The following ATP8A1 variants were observed in gnomAD, a reference collection of about 807,000 sequenced individuals.
The protein encoded by ATP8A1 is phospholipid-transporting ATPase IA.
A neutral mutation model predicts 177.7 loss-of-function variants in ATP8A1; 90 were observed. That is an observed-to-expected ratio of 0.51 (90% confidence interval 0.43 to 0.60). The LOEUF is 0.60. Among genes scored for constraint, ATP8A1 ranks in the 20% least tolerant of loss-of-function variants. The pLI is 0.00. For synonymous variants in ATP8A1, 493 were observed against 485.9 expected, an observed-to-expected ratio of 1.01 and a Z score of -0.19; for missense variants, 1,072 against 1,392.8, an observed-to-expected ratio of 0.77 and a Z score of 3.67.
At chr4:42,617,948 T>C (rs1201782766) in intron 4 of ATP8A1, among the ~76,000 whole-genome samples, 3 of 152,214 alleles carry the variant, frequency 2.0e-5, no homozygotes, top group East Asian at 1.9e-4. Context: ...GATAAGATTA[T>C]TCCTTCTAAA....
chr4:42,649,734 G>C lies in ATP8A1; in HGVS notation c.49+7091C>G, dbSNP rs193214979. On this transcript the variant is annotated intron_variant, in intron 1 of 36. Transcript: ENST00000381668. ...ACAAATCTCACAAAAACGCTCCTTT[G>C]GGGTGCTAAGGTTTCAGTAGGAGGG... Among the ~76,000 whole-genome samples the C allele has an allele frequency of 2.6e-5, 4 of 152,244 alleles. No homozygotes were observed. The East Asian group carries it at 7.7e-4, about 29-fold the overall frequency.
rs376616442 is a variant in ATP8A1, at chr4:42,591,034, T to C, written c.451-150A>G. The C allele has an allele frequency of 4.7e-5, 32 of 677,628 alleles. 1 individual carries two copies. Among genetic ancestry groups the C allele is most frequent in the African/African-American group, 2.5e-4 (14 of 55,166 alleles). 42.0% of individuals were successfully genotyped at this position (677,628 alleles called of 1,614,324 possible). A position where few individuals can be genotyped will look rare whatever the true frequency, so the allele number is the denominator to read the frequency against. ...TAAAAACATCTAATGCCAATTTTTT[T>C]CAAAACTTATTTTGATCAGGTCTGA... is the stretch of plus-strand genomic sequence containing the variant. On this transcript the variant is annotated intron_variant, in intron 6 of 36. Transcript: ENST00000381668.
intron 30 of ATP8A1, among the ~76,000 whole-genome samples, chr4:42,448,397 T>TTTAC (rs1346193292): frequency 0.019 from 1,236 of 64,902 alleles, 171 homozygotes; most frequent in African/African-American, 0.052. Context: ...CTTCTCTTTC[T>TTTAC]TTTCTTTTTT....
At chr4:42,636,809 A>C (rs1365477652) in intron 1 of ATP8A1, among the ~76,000 whole-genome samples, 1 of 152,124 alleles carries the variant, frequency 6.6e-6, no homozygotes, top group African/African-American at 2.4e-5. Flanking sequence ...CATTGACTTA[A>C]AAGTCAGCAC....
chr4:42,448,565 T>C (rs765501497), intron 30 of ATP8A1, among the ~76,000 whole-genome samples: 7 of 151,084 alleles, frequency 4.6e-5, no homozygotes, highest in Non-Finnish European at 8.9e-5. Flanking sequence ...GCCCAGCTAA[T>C]TTTTGTATTT....
intron 30 of ATP8A1, among the ~76,000 whole-genome samples, chr4:42,451,730 A>C (rs1339899592): frequency 6.6e-6 from 1 of 152,248 alleles, no homozygotes; most frequent in Non-Finnish European, 1.5e-5. Context: ...AAAAGCCCTA[A>C]AATTTAACTC....
At chr4:42,546,286 A>G (rs1489808159) in intron 19 of ATP8A1, among the ~76,000 whole-genome samples, 2 of 152,066 alleles carry the variant, frequency 1.3e-5, no homozygotes, top group African/African-American at 2.4e-5. Context: ...TTGTAGGGAC[A>G]TGGATGAAGC....
Position 42,546,590 on chromosome 4 carries a change from A to C in ATP8A1, c.1652+2423T>G, listed in dbSNP as rs896286174. Among the ~76,000 whole-genome samples, 6 of 151,736 alleles carry C rather than the reference A, an allele frequency of 4.0e-5. No homozygotes were observed. The South Asian group carries it at 8.3e-4, about 21-fold the overall frequency. The stretch of plus-strand genomic sequence containing the variant: ...AAAACTTAAAGTATAATAAAAAAAA[A>C]AAAAACAAAAAAACTCACCCGATGC... On this transcript the variant is annotated intron_variant, in intron 19 of 36. Coordinates refer to ENST00000381668, the MANE Select transcript of ATP8A1 (RefSeq NM_006095.2).
intron 22 of ATP8A1, among the ~76,000 whole-genome samples, chr4:42,518,166 G>C (rs1725748522): frequency 6.6e-6 from 1 of 152,210 alleles, no homozygotes. Context: ...ACAAGAGGCA[G>C]AGAGCAGCAT....
At chr4:42,555,210 G>GCCCCC (rs545566513) in intron 16 of ATP8A1, among the ~76,000 whole-genome samples, 4 of 109,846 alleles carry the variant, frequency 3.6e-5, no homozygotes, top group Admixed American at 9.7e-5. Flanking sequence ...TATTAGTTCT[G>GCCCCC]CCCCCCCCTA....
At chr4:42,517,281 G>C (rs1348190230) in intron 22 of ATP8A1, among the ~76,000 whole-genome samples, 3 of 118,482 alleles carry the variant, frequency 2.5e-5, no homozygotes, top group Non-Finnish European at 5.0e-5. Context: ...AACAGAGTGA[G>C]ACTCCGTCTC....
chr4:42,487,812 C>A (rs1453007831), intron 24 of ATP8A1, among the ~76,000 whole-genome samples: 1 of 152,140 alleles, frequency 6.6e-6, no homozygotes, highest in African/African-American at 2.4e-5. Context: ...CCAAGTTGTA[C>A]TATAAAGAAA....
In ATP8A1 at chr4:42,657,011, T is replaced by C. The variant is rs12503784; in HGVS notation, c.-138A>G. 0.49 allele frequency: 445,007 copies of C among 904,644 alleles called. 111,169 individuals carry two copies. Among genetic ancestry groups the C allele is most frequent in the Middle Eastern group, 0.54 (1,386 of 2,574 alleles). 56.0% of individuals were successfully genotyped at this position (904,644 alleles called of 1,614,324 possible). Reference sequence around the variant, plus strand: ...CGCCGCCGCCCACCTAGGGCAGAGCTGCCGCCGGGCGCGGCCCCCGCACGC... The same window carrying C: ...CGCCGCCGCCCACCTAGGGCAGAGCCGCCGCCGGGCGCGGCCCCCGCACGC... On this transcript the variant is annotated 5_prime_UTR_variant, in exon 1 of 37. Coordinates refer to ENST00000381668, the MANE Select transcript of ATP8A1 (RefSeq NM_006095.2).
intron 24 of ATP8A1, among the ~76,000 whole-genome samples, chr4:42,496,113 G>A (rs1723244736): frequency 6.6e-6 from 1 of 152,146 alleles, no homozygotes; most frequent in South Asian, 2.1e-4. Flanking sequence ...GGTTCCATCA[G>A]GCAAATAAGT....
intron 33 of ATP8A1, among the ~76,000 whole-genome samples, chr4:42,436,142 T>A (rs1293513213): frequency 6.6e-6 from 1 of 152,178 alleles, no homozygotes; most frequent in Non-Finnish European, 1.5e-5. Context: ...AGGAGCAGGC[T>A]TCGTTCAGCT....
At chr4:42,430,482 T>TC (rs1187208855) in intron 33 of ATP8A1, among the ~76,000 whole-genome samples, 1 of 150,056 alleles carries the variant, frequency 6.7e-6, no homozygotes, top group Admixed American at 6.6e-5. Flanking sequence ...GCTAGTGCCT[T>TC]TTTTTTTTTT....
chr4:42,656,438 G>A (rs1741627554), intron 1 of ATP8A1, among the ~76,000 whole-genome samples: 1 of 152,058 alleles, frequency 6.6e-6, no homozygotes, highest in African/African-American at 2.4e-5. Flanking sequence ...GCTTCGCTGG[G>A]AGCTCAGATA....
intron 35 of ATP8A1, among the ~76,000 whole-genome samples, chr4:42,415,452 C>T (rs1315992562): frequency 7.0e-6 from 1 of 142,920 alleles, no homozygotes; most frequent in Non-Finnish European, 1.6e-5. Flanking sequence ...GCATCTTCTC[C>T]CCCAACTTCC....
intron 25 of ATP8A1, among the ~76,000 whole-genome samples, chr4:42,476,387 G>GGC (rs1721066502): frequency 6.6e-6 from 1 of 152,118 alleles, no homozygotes; most frequent in Non-Finnish European, 1.5e-5. Context: ...CTGAGGCTGA[G>GGC]TCGGGCGGAT....
Sources: allele counts gnomAD v4.1 joint callset (sites outside exome capture counted in the v4.1 genomes callset), GRCh38; gene constraint gnomAD v4.1.1; transcripts MANE v1.5; gene names NCBI Gene and HGNC (gene_info 2026-07-23, HGNC 2026-07-21).